ATP6V0A4: variants seen among roughly 807,000 people sequenced by gnomAD.
ATP6V0A4 encodes the protein ATPase H+ transporting V0 subunit a4.
In ATP6V0A4, 86 loss-of-function variants were observed where a neutral mutation model predicts 107.3. The ratio of observed to expected loss-of-function variants is 0.80; its 90% CI spans 0.67 to 0.96. The LOEUF (loss-of-function observed/expected upper bound fraction) is 0.96, where lower values mean the gene tolerates loss of function less well. Among genes scored for constraint, ATP6V0A4 ranks in the 40% least tolerant of loss-of-function variants. The pLI is 0.00. For synonymous variants in ATP6V0A4, 353 were observed against 381.4 expected (o/e 0.93, Z 0.87); for missense variants, 908 against 1,045.6 (o/e 0.87, Z 1.81).
In ATP6V0A4 at chr7:138,792,065, T is replaced by C. The variant is rs963073570; in HGVS notation, c.-120-5805A>G. ...GGCTCACGCCTGTAATCCCAGCACT[T>C]TGGGAGGCCGAGGTGGGCAGATCAC... On this transcript the variant is annotated intron_variant, in intron 1 of 21. Coordinates refer to ENST00000310018, the MANE Select transcript of ATP6V0A4 (RefSeq NM_020632.3). Among the ~76,000 whole-genome samples, 6 of 152,098 alleles carry C rather than the reference T, an allele frequency of 3.9e-5. 1 individual carries two copies. The highest frequency in any genetic ancestry group is 1.4e-4 in the African/African-American group (6 of 41,438).
chr7:138,707,139 AATATTAAT>A (rs1803420843), intron 21 of ATP6V0A4, among the ~76,000 whole-genome samples: 2 of 90,892 alleles, frequency 2.2e-5, no homozygotes, highest in African/African-American at 9.1e-5. Flanking sequence ...TATATACATC[AATATTAAT>A]ATATTAATAT....
chr7:138,755,452 A>G (rs1213166309), intron 10 of ATP6V0A4, among the ~76,000 whole-genome samples: 1 of 152,204 alleles, frequency 6.6e-6, no homozygotes, highest in Non-Finnish European at 1.5e-5. Flanking sequence ...AAGGCTGACT[A>G]GGGCTGTGGT....
At chr7:138,769,023 C>CCT in intron 4 of ATP6V0A4, 149 bp from the exon 5 acceptor site, 1 of 1,563,282 alleles carries the variant, frequency 6.4e-7, no homozygotes, top group Non-Finnish European at 8.7e-7. Context: ...CCACCCCCAA[C>CCT]CTCCCCCATT....
intron 15 of ATP6V0A4, among the ~76,000 whole-genome samples, chr7:138,738,989 G>C (rs3807148): frequency 0.62 from 93,785 of 152,052 alleles, 29,633 homozygotes; most frequent in East Asian, 0.92. Context: ...CCTCAAAACC[G>C]CTTTATATCT....
intron 2 of ATP6V0A4, among the ~76,000 whole-genome samples, chr7:138,782,812 C>T (rs1353586433): frequency 2.0e-5 from 3 of 152,148 alleles, no homozygotes; most frequent in Non-Finnish European, 4.4e-5. Context: ...TGGTGGCTCA[C>T]ACCTGTAATC....
chr7:138,769,369 C>G (rs1024783328), intron 3 of ATP6V0A4, 118 bp from the exon 4 acceptor site: 13 of 1,444,800 alleles, frequency 9.0e-6, no homozygotes, highest in Non-Finnish European at 1.2e-5. Context: ...GACTGGAGGG[C>G]AATGGCGCGA....
chr7:138,788,460 C>T (rs368042130), intron 1 of ATP6V0A4, among the ~76,000 whole-genome samples: 3 of 152,158 alleles, frequency 2.0e-5, no homozygotes, highest in Non-Finnish European at 4.4e-5. Flanking sequence ...CTTTTCTACC[C>T]GAGCTAACCC....
intron 5 of ATP6V0A4, 68 bp downstream of exon 5, chr7:138,768,712 A>C: frequency 6.3e-7 from 1 of 1,577,016 alleles, no homozygotes; most frequent in Non-Finnish European, 8.7e-7. Flanking sequence ...AGTGGCTCTC[A>C]GGGCCTTCAA....
At chr7:138,769,023 C>T in intron 4 of ATP6V0A4, 149 bp from the exon 5 acceptor site, 1 of 1,563,282 alleles carries the variant, frequency 6.4e-7, no homozygotes, top group Non-Finnish European at 8.7e-7. Context: ...CCACCCCCAA[C>T]CTCCCCCATT....
rs73730499 is a variant in ATP6V0A4, at chr7:138,747,398, A to G, written c.1320+27T>C. Reference sequence around the variant, plus strand: ...GATTTTCATATTCTGAAAATGAATCAGGGCAAGACGGTCAATGGACACTCA... The same window carrying G: ...GATTTTCATATTCTGAAAATGAATCGGGGCAAGACGGTCAATGGACACTCA... On this transcript the variant is annotated intron_variant, in intron 13 of 21. Transcript: ENST00000310018. 6.4e-3 allele frequency: 10,229 copies of G among 1,609,582 alleles called. 581 individuals carry two copies. In the African/African-American group the frequency reaches 0.12, roughly 19 times the overall value.
chr7:138,708,469 C>T (rs1348305736), intron 21 of ATP6V0A4, among the ~76,000 whole-genome samples: 1 of 152,124 alleles, frequency 6.6e-6, no homozygotes, highest in African/African-American at 2.4e-5. Context: ...AGTGCAAAGG[C>T]TTCTTTATGA....
At chr7:138,790,439 C>A (rs1033274726) in intron 1 of ATP6V0A4, among the ~76,000 whole-genome samples, 4 of 152,078 alleles carry the variant, frequency 2.6e-5, no homozygotes, top group Non-Finnish European at 5.9e-5. Context: ...GGATTACAGG[C>A]ACATACCACC....
intron 18 of ATP6V0A4, among the ~76,000 whole-genome samples, chr7:138,724,703 C>T (rs1358902804): frequency 1.3e-5 from 2 of 152,182 alleles, no homozygotes; most frequent in African/African-American, 2.4e-5. Context: ...TCTCCTTCAA[C>T]TTATAGAAGA....
At chr7:138,756,169 C>A (rs569468415) in intron 9 of ATP6V0A4, among the ~76,000 whole-genome samples, 3 of 152,162 alleles carry the variant, frequency 2.0e-5, no homozygotes, top group Non-Finnish European at 4.4e-5. Context: ...AACAAGTTAG[C>A]CATGCAGTTG....
intron 4 of ATP6V0A4, 71 bp downstream of exon 4, chr7:138,769,102 C>T: frequency 6.3e-7 from 1 of 1,599,396 alleles, no homozygotes; most frequent in Non-Finnish European, 8.5e-7. Flanking sequence ...TTCATTAAGT[C>T]CTGCAAACTA....
At chr7:138,769,664 A>T (rs1358192258) in intron 3 of ATP6V0A4, among the ~76,000 whole-genome samples, 1 of 152,256 alleles carries the variant, frequency 6.6e-6, no homozygotes, top group East Asian at 1.9e-4. Flanking sequence ...TGTTGCTGGA[A>T]TTATCTTAGG....
chr7:138,782,002 G>T (rs1807949510), intron 2 of ATP6V0A4, among the ~76,000 whole-genome samples: 3 of 152,114 alleles, frequency 2.0e-5, no homozygotes, highest in African/African-American at 7.2e-5. Flanking sequence ...ACAGTGTAAA[G>T]AGGACCTGAG....
At chr7:138,765,956 T>C (rs868297532) in intron 5 of ATP6V0A4, among the ~76,000 whole-genome samples, 7 of 152,102 alleles carry the variant, frequency 4.6e-5, no homozygotes, top group Admixed American at 3.3e-4. Flanking sequence ...CTCATTATGT[T>C]GGGCAGACTG....
intron 15 of ATP6V0A4, among the ~76,000 whole-genome samples, chr7:138,734,821 T>C (rs972604444): frequency 2.7e-5 from 4 of 150,802 alleles, no homozygotes; most frequent in African/African-American, 9.8e-5. Flanking sequence ...ATCTGAGCCA[T>C]TACGGCAAGA....
Sources: gnomAD v4.1 joint callset for allele counts (sites outside exome capture counted in the v4.1 genomes callset) on GRCh38, gnomAD v4.1.1 for gene constraint, MANE v1.5 for transcripts, NCBI Gene and HGNC (gene_info 2026-07-23, HGNC 2026-07-21) for gene names.